The following UGT3A1 variants were observed in gnomAD, a reference collection of about 807,000 sequenced individuals.
UGT3A1 encodes the protein UDP-glycosyltransferase 3A1.
In UGT3A1, 40 loss-of-function variants were observed where a neutral mutation model predicts 37.6. The observed-to-expected ratio is 1.06, with a 90% confidence interval of 0.83 to 1.38. UGT3A1 has a LOEUF of 1.38. Ranked by LOEUF, UGT3A1 falls within the 40% of genes most tolerant of loss-of-function variation. The pLI, the probability that UGT3A1 is intolerant of heterozygous loss-of-function variation, is 0.00. For missense variants in UGT3A1, 642 were observed against 634.2 expected (o/e 1.01, Z -0.13); for synonymous variants, 256 against 232.3 (o/e 1.10, Z -0.93).
At chr5:35,981,985 C>T (rs930118149) in intron 2 of UGT3A1, among the ~76,000 whole-genome samples, 1 of 152,222 alleles carries the variant, frequency 6.6e-6, no homozygotes, top group Admixed American at 6.5e-5. Flanking sequence ...CCAGGTACAG[C>T]TAAGTCATTG....
In UGT3A1 at chr5:35,954,343, C is replaced by T; in HGVS notation, c.1431G>A (p.Gln477=). ...TGAGGTACTGCTCATGCCAAGGCTG[C>T]TGGAAGGCATAGGGCTTGAGGTGCG... ...GATHLKPYAF[Q]QPWHEQYLID... Residue 477 remains glutamine (Q), a synonymous_variant, in exon 7 of 7, where the codon CAG becomes CAA. Transcript: ENST00000274278. 6.2e-7 allele frequency: 1 copy of T among 1,614,214 alleles called. No individual in the cohort carries two copies. Among genetic ancestry groups the T allele is most frequent in the Non-Finnish European group, 8.5e-7 (1 of 1,180,048 alleles).
intron 2 of UGT3A1, among the ~76,000 whole-genome samples, chr5:35,972,766 G>A (rs1046797720): frequency 2.6e-5 from 4 of 151,892 alleles, no homozygotes; most frequent in Admixed American, 1.3e-4. Flanking sequence ...TGAGTATAAT[G>A]AAGATAGCTG....
At chr5:35,990,841 C>G in intron 1 of UGT3A1, 1 of 1,022,292 alleles carries the variant, frequency 9.8e-7, no homozygotes, top group Non-Finnish European at 1.3e-6. Flanking sequence ...GAAGGCAGCC[C>G]AGGAACTCAA....
At chr5:35,959,449 CTAAAG>C (rs554237715) in intron 4 of UGT3A1, among the ~76,000 whole-genome samples, 178 of 152,094 alleles carry the variant, frequency 1.2e-3, no homozygotes, top group Middle Eastern at 3.4e-3. Flanking sequence ...GGGAAAAAAA[CTAAAG>C]TAAACAAGAA....
In UGT3A1 at chr5:35,955,773, T is replaced by C. The variant is rs61734786; in HGVS notation, c.1167A>G (p.Pro389=). Residue 389 remains proline (P), a synonymous_variant, in exon 6 of 7, where the codon CCA becomes CCG. Coordinates refer to ENST00000274278, the MANE Select transcript of UGT3A1 (RefSeq NM_152404.4). ...TGTTTCCATGCTGGTCTCCATTGACTGGTAATCCCACCATGGGCACACCAT... is the reference window on the plus strand; with the variant it reads ...TGTTTCCATGCTGGTCTCCATTGACCGGTAATCCCACCATGGGCACACCAT... ...IRHGVPMVGL[P]VNGDQHGNMV... The C allele has an allele frequency of 1.9e-6, 3 of 1,614,204 alleles. No homozygotes were observed. The highest frequency in any genetic ancestry group is 1.1e-5 in the South Asian group (1 of 91,088).
At chr5:35,999,897 C>T (rs1741181445) in intron 1 of UGT3A1, among the ~76,000 whole-genome samples, 1 of 152,128 alleles carries the variant, frequency 6.6e-6, no homozygotes, top group Non-Finnish European at 1.5e-5. Context: ...AGGCAAGTAA[C>T]AGCTATGGCA....
chr5:35,959,544 A>G (rs1289043186), intron 4 of UGT3A1, among the ~76,000 whole-genome samples: 1 of 152,212 alleles, frequency 6.6e-6, no homozygotes, highest in Non-Finnish European at 1.5e-5. Context: ...GAGCTCAAAT[A>G]TGAAATCATT....
At chr5:35,998,250 T>C (rs566442997) in intron 1 of UGT3A1, among the ~76,000 whole-genome samples, 45 of 152,346 alleles carry the variant, frequency 3.0e-4, no homozygotes, top group African/African-American at 1.0e-3. Flanking sequence ...TTTGGAGTAC[T>C]GACCCAGAAA....
At position 35,991,340 on chromosome 5, in the gene UGT3A1, T is replaced by A. The variant is rs546351272; in HGVS notation, c.-100A>T. 7.8e-5 allele frequency: 121 copies of A among 1,559,458 alleles called. 1 individual carries two copies. The African/African-American group carries it at 1.3e-3, about 16-fold the overall frequency. ...CTCAGTACTCCAAAGGCACTGGCTG[T>A]GGGCCTAGGAAGAGGTAGGAGACGG... On this transcript the variant is annotated 5_prime_UTR_variant, in exon 1 of 7. Coordinates refer to ENST00000274278, the MANE Select transcript of UGT3A1 (RefSeq NM_152404.4).
chr5:35,994,044 A>C (rs549985563), upstream of UGT3A1, among the ~76,000 whole-genome samples: 6 of 151,752 alleles, frequency 4.0e-5, no homozygotes, highest in Non-Finnish European at 8.8e-5. Flanking sequence ...TTAAAAAAAA[A>C]CTCCTTTTTT....
intron 4 of UGT3A1, chr5:35,962,686 A>G: frequency 1.8e-6 from 1 of 567,328 alleles, no homozygotes. Flanking sequence ...CCTACAGAAA[A>G]TGTCCAGCTG....
At position 35,965,904 on chromosome 5, in the gene UGT3A1, C is replaced by A. The variant is rs1407845618; in HGVS notation, c.325G>T (p.Ala109Ser). The change falls in exon 4 of 7, where the codon GCC (alanine) becomes TCC (serine). Residue 109 changes from alanine to serine, a missense_variant. Physicochemically the swap from Ala to Ser is moderately conservative, Grantham distance 99. Coordinates refer to ENST00000274278, the MANE Select transcript of UGT3A1 (RefSeq NM_152404.4). The part of the protein sequence containing the change: ...TALDGRKESE[A>S]LVKLMEIFGT... ...AATATTTCCATTAGCTTTACAAGGGCTTCAGATTCTTTTCTGTAATAAAGA... is the reference window on the plus strand; with the variant it reads ...AATATTTCCATTAGCTTTACAAGGGATTCAGATTCTTTTCTGTAATAAAGA... 2 of 1,547,520 alleles carry A rather than the reference C, an allele frequency of 1.3e-6. No individual in the cohort carries two copies. The highest frequency in any genetic ancestry group is 1.3e-5 in the South Asian group (1 of 79,094).
chr5:35,976,328 G>T (rs986575821), intron 2 of UGT3A1, among the ~76,000 whole-genome samples: 1 of 152,118 alleles, frequency 6.6e-6, no homozygotes, highest in African/African-American at 2.4e-5. Flanking sequence ...CATTATAGAA[G>T]ATCTCTTAGG....
At chr5:35,957,994 A>G (rs1387786270) in intron 4 of UGT3A1, among the ~76,000 whole-genome samples, 1 of 152,184 alleles carries the variant, frequency 6.6e-6, no homozygotes, top group African/African-American at 2.4e-5. Context: ...TTGCTGTAGT[A>G]ATGTCTATTT....
chr5:35,963,331 G>A (rs931091209), intron 4 of UGT3A1, among the ~76,000 whole-genome samples: 2 of 152,108 alleles, frequency 1.3e-5, no homozygotes, highest in Non-Finnish European at 2.9e-5. Context: ...CGGGCAGATC[G>A]GGTTTTCCTT....
chr5:35,973,489 G>A (rs1740135275), intron 2 of UGT3A1, among the ~76,000 whole-genome samples: 4 of 152,064 alleles, frequency 2.6e-5, no homozygotes, highest in Admixed American at 2.6e-4. Context: ...TTGGTTAATT[G>A]AATTAAACAT....
rs201625879 is a variant in UGT3A1 at position 35,954,526 on chromosome 5, T to C, written c.1296-48A>G. On this transcript the variant is annotated intron_variant, in intron 6 of 6. Transcript: ENST00000274278. ...TGTGTTACTGACGTAGCCTCACAAGTCTTACAGACTTTGTATTGCATGAGC... is the reference window on the plus strand; with the variant it reads ...TGTGTTACTGACGTAGCCTCACAAGCCTTACAGACTTTGTATTGCATGAGC... 1.4e-5 allele frequency: 22 copies of C among 1,593,216 alleles called. No individual in the cohort carries two copies. The East Asian group carries it at 2.0e-4, about 15-fold the overall frequency.
At chr5:35,969,614 C>G (rs1050724556) in intron 2 of UGT3A1, among the ~76,000 whole-genome samples, 1 of 152,120 alleles carries the variant, frequency 6.6e-6, no homozygotes, top group Non-Finnish European at 1.5e-5. Flanking sequence ...CAACTTAACC[C>G]TTTGGAAATT....
chr5:35,991,028 C>G (rs755522709), intron 1 of UGT3A1, 119 bp downstream of exon 1: 3 of 1,603,888 alleles, frequency 1.9e-6, no homozygotes, highest in Non-Finnish European at 2.6e-6. Context: ...CCAGCCAGGT[C>G]CGCAAGCCCA....
Sources: allele counts gnomAD v4.1 joint callset (sites outside exome capture counted in the v4.1 genomes callset), GRCh38; gene constraint gnomAD v4.1.1; transcripts MANE v1.5; gene names NCBI Gene and HGNC (gene_info 2026-07-23, HGNC 2026-07-21).